The following ADGRL2 variants were observed in gnomAD, a reference collection of about 807,000 sequenced individuals.
ADGRL2 encodes calcium-independent alpha-latrotoxin receptor 2.
In ADGRL2, 44 loss-of-function variants were observed where a neutral mutation model predicts 157.4. That is an observed-to-expected ratio of 0.28 (90% CI 0.22 to 0.36). The LOEUF (loss-of-function observed/expected upper bound fraction) is 0.36. Among genes scored for constraint, ADGRL2 ranks in the 10% least tolerant of loss-of-function variants. ADGRL2 has a pLI of 1.00. For missense variants in ADGRL2, 1,510 were observed against 1,768.9 expected (o/e 0.85, Z 2.63); for synonymous variants, 585 against 624.7 (o/e 0.94, Z 0.95).
At chr1:81,770,498 A>G in intron 2 of ADGRL2, among the ~76,000 whole-genome samples, 1 of 144,112 alleles carries the variant, frequency 6.9e-6, no homozygotes, top group East Asian at 2.1e-4. Flanking sequence ...TTTAAGACAG[A>G]GTTTTGCTCT....
chr1:81,866,343 G>A (rs1252531824), intron 2 of ADGRL2, among the ~76,000 whole-genome samples: 2 of 152,130 alleles, frequency 1.3e-5, no homozygotes, highest in Admixed American at 1.3e-4. Flanking sequence ...CTTAGTACCT[G>A]TAAATACTTT....
At chr1:81,388,686 T>C (rs528777169) in intron 1 of ADGRL2, among the ~76,000 whole-genome samples, 1 of 152,144 alleles carries the variant, frequency 6.6e-6, no homozygotes, top group South Asian at 2.1e-4. Flanking sequence ...TATGAGGAAG[T>C]GGGCCCTCAC....
chr1:81,852,615 C>T (rs1355182924), intron 2 of ADGRL2, among the ~76,000 whole-genome samples: 1 of 152,006 alleles, frequency 6.6e-6, no homozygotes, highest in Admixed American at 6.6e-5. Context: ...AAATGAACCT[C>T]CATGGATTTG....
chr1:81,312,633 T>G (rs1659834985), intron 1 of ADGRL2, among the ~76,000 whole-genome samples: 1 of 152,222 alleles, frequency 6.6e-6, no homozygotes, highest in Non-Finnish European at 1.5e-5. Context: ...ATTTCATTTT[T>G]TCAGCCTTTA....
At chr1:81,498,311 T>A in intron 2 of ADGRL2, among the ~76,000 whole-genome samples, 1 of 152,322 alleles carries the variant, frequency 6.6e-6, no homozygotes, top group East Asian at 1.9e-4. Context: ...ATTATTTATA[T>A]ATACATATAT....
intron 2 of ADGRL2, among the ~76,000 whole-genome samples, chr1:81,763,046 TAA>T (rs748864220): frequency 4.9e-4 from 36 of 73,752 alleles, no homozygotes; most frequent in Non-Finnish European, 5.9e-4. Context: ...AGACTCCGTC[TAA>T]AAAAAAAAAA....
At chr1:81,768,930 CA>C (rs2086244379) in intron 2 of ADGRL2, among the ~76,000 whole-genome samples, 2 of 151,932 alleles carry the variant, frequency 1.3e-5, no homozygotes. Context: ...AAAAAAAATA[CA>C]AAAATTAGCC....
chr1:81,732,545 C>A (rs1363598495), intron 1 of ADGRL2, among the ~76,000 whole-genome samples: 4 of 152,062 alleles, frequency 2.6e-5, no homozygotes, highest in African/African-American at 9.7e-5. Flanking sequence ...AGCCTAGCAC[C>A]TTCATAAAAA....
intron 2 of ADGRL2, among the ~76,000 whole-genome samples, chr1:81,770,843 C>T (rs1009353338): frequency 3.3e-5 from 5 of 152,108 alleles, no homozygotes; most frequent in African/African-American, 4.8e-5. Flanking sequence ...ACCTTTTTTA[C>T]AAAATATTTT....
At position 81,602,970 on chromosome 1, in the gene ADGRL2, G is replaced by C. The variant is rs539364471; in HGVS notation, c.-143+21990G>C. On this transcript the variant is annotated intron_variant, in intron 3 of 24. Transcript: ENST00000370721. ...CGAGAGACTGCAGTAACCACTGGTG[G>C]TAAGGTGAGGAAGGCTGGTGTTAAT... Among the ~76,000 whole-genome samples the C allele has an allele frequency of 5.3e-5, 8 of 151,978 alleles. No homozygotes were observed. The East Asian group carries it at 1.6e-3, about 29-fold the overall frequency.
chr1:81,342,308 A>G (rs144051296), intron 1 of ADGRL2, among the ~76,000 whole-genome samples: 3 of 152,286 alleles, frequency 2.0e-5, no homozygotes, highest in South Asian at 2.1e-4. Flanking sequence ...TACAACAAAT[A>G]CTGAGGAATT....
chr1:81,682,612 G>GA (rs2083143421), intron 3 of ADGRL2, among the ~76,000 whole-genome samples: 1 of 152,178 alleles, frequency 6.6e-6, no homozygotes, highest in Non-Finnish European at 1.5e-5. Context: ...CAGAGAGGGG[G>GA]CAGCTCCATG....
chr1:81,522,302 A>C (rs530102910), intron 2 of ADGRL2, among the ~76,000 whole-genome samples: 1 of 152,328 alleles, frequency 6.6e-6, no homozygotes, highest in Admixed American at 6.5e-5. Context: ...TAATAAAATC[A>C]GTGCTAGGAA....
At chr1:81,567,345 G>T (rs1557468324) in intron 2 of ADGRL2, among the ~76,000 whole-genome samples, 1 of 152,034 alleles carries the variant, frequency 6.6e-6, no homozygotes. Context: ...TACAGCATTG[G>T]ACAACACAGG....
Position 81,345,182 on chromosome 1 carries a change from C to T in ADGRL2, c.-302+38673C>T, listed in dbSNP as rs556889721. ...TGCTTTTTATGACCCAGCCTTAGAA[C>T]TCACATAGTATCTTTCTTCATGAAA... is the stretch of plus-strand genomic sequence containing the variant. On this transcript the variant is annotated intron_variant, in intron 1 of 24. Coordinates refer to the ADGRL2 transcript ENST00000370721. 9.2e-5 allele frequency among the ~76,000 whole-genome samples: 14 copies of T among 152,306 alleles called. No homozygotes were observed. In the East Asian group the frequency reaches 2.7e-3, roughly 29 times the overall value.
intron 2 of ADGRL2, among the ~76,000 whole-genome samples, chr1:81,517,628 G>A (rs1332449045): frequency 6.6e-6 from 1 of 152,124 alleles, no homozygotes; most frequent in East Asian, 1.9e-4. Context: ...AGTAATAGGA[G>A]GGAGAGGAAG....
chr1:81,678,113 A>G (rs1451912936), intron 3 of ADGRL2, among the ~76,000 whole-genome samples: 1 of 152,146 alleles, frequency 6.6e-6, no homozygotes, highest in Non-Finnish European at 1.5e-5. Context: ...AGAATTTATC[A>G]TTCCTGCAGG....
intron 2 of ADGRL2, among the ~76,000 whole-genome samples, chr1:81,571,476 T>C (rs2080691897): frequency 6.7e-6 from 1 of 149,532 alleles, no homozygotes; most frequent in South Asian, 2.1e-4. Context: ...GTAGGCCAGA[T>C]TCAGTAGTTG....
At chr1:81,933,280 G>A (rs2095262152) in intron 3 of ADGRL2, among the ~76,000 whole-genome samples, 1 of 152,026 alleles carries the variant, frequency 6.6e-6, no homozygotes, top group African/African-American at 2.4e-5. Context: ...CATTCATACC[G>A]ATTTTTTATG....
Sources: gnomAD v4.1 joint callset for allele counts (sites outside exome capture counted in the v4.1 genomes callset) on GRCh38, gnomAD v4.1.1 for gene constraint, MANE v1.5 for transcripts, NCBI Gene and HGNC (gene_info 2026-07-23, HGNC 2026-07-21) for gene names.